The following ATF7IP variants were observed in gnomAD, a reference collection of about 807,000 sequenced individuals.
The protein encoded by ATF7IP is activating transcription factor 7 interacting protein, also known as activating transcription factor 7-interacting protein 1.
ATF7IP carries 23 observed loss-of-function variants against 106.4 expected under a neutral mutation model. The ratio of observed to expected loss-of-function variants is 0.22; its 90% CI spans 0.16 to 0.31. The LOEUF (loss-of-function observed/expected upper bound fraction) is 0.31. ATF7IP is among the 10% of genes least tolerant of loss of function. The probability of loss-of-function intolerance (pLI) is 1.00; values close to 1 mark genes in which losing one functional copy is unlikely to be tolerated. For synonymous variants in ATF7IP, 542 were observed against 539.0 expected, an observed-to-expected ratio of 1.01 and a Z score of -0.08; for missense variants, 1,334 against 1,524.3, an observed-to-expected ratio of 0.88 and a Z score of 2.08.
chr12:14,476,076 A>G, intron 11 of ATF7IP, 108 bp downstream of exon 11: 2 of 845,966 alleles, frequency 2.4e-6, no homozygotes, highest in East Asian at 2.8e-5. Context: ...TGCTTGGTTT[A>G]TTTGTGTTCT....
At chr12:14,403,656 A>G (rs1940388172) in intron 1 of ATF7IP, among the ~76,000 whole-genome samples, 1 of 152,236 alleles carries the variant, frequency 6.6e-6, no homozygotes, top group African/African-American at 2.4e-5. Flanking sequence ...AAATGCCAAA[A>G]TAAGGTGCTA....
intron 5 of ATF7IP, among the ~76,000 whole-genome samples, chr12:14,444,033 C>G (rs1432951557): frequency 6.6e-6 from 1 of 152,094 alleles, no homozygotes; most frequent in Non-Finnish European, 1.5e-5. Context: ...GTACTATGCT[C>G]TTAAATAGGA....
Position 14,460,617 on chromosome 12 carries a change from G to A in ATF7IP, c.2281G>A (p.Val761Ile), listed in dbSNP as rs749790061. The change falls in exon 9 of 15, where the codon GTA becomes ATA. Residue 761 changes from valine (V) to isoleucine (I), a missense_variant. Around this residue, in one of 10 missense-constraint regions of ATF7IP, gnomAD observed 171 missense variants for 172.6 expected, o/e 0.99. Transcript: ENST00000261168. ...TCTTCCTGCACCCAATACAGCTACT[G>A]TAGTTGCTACTACTCAGGTGCCTAG... is the stretch of plus-strand genomic sequence containing the variant. ...SVLPAPNTAT[V>I]VATTQVPSGN... 6.2e-7 allele frequency: 1 copy of A among 1,614,160 alleles called. No homozygotes were observed. Among genetic ancestry groups the A allele is most frequent in the South Asian group, 1.1e-5 (1 of 91,084 alleles).
intron 9 of ATF7IP, among the ~76,000 whole-genome samples, chr12:14,463,575 C>T (rs548236313): frequency 6.6e-6 from 1 of 151,942 alleles, no homozygotes; most frequent in African/African-American, 2.4e-5. Flanking sequence ...CAAAAGAGAA[C>T]ATGGGAAATC....
At chr12:14,492,816 G>A (rs796694330) in intron 13 of ATF7IP, among the ~76,000 whole-genome samples, 7 of 152,222 alleles carry the variant, frequency 4.6e-5, no homozygotes, top group African/African-American at 1.4e-4. Flanking sequence ...AAATTTTGTA[G>A]TTGAGTGACT....
At chr12:14,376,597 C>CG (rs1254633631) in intron 1 of ATF7IP, among the ~76,000 whole-genome samples, 1 of 152,180 alleles carries the variant, frequency 6.6e-6, no homozygotes, top group African/African-American at 2.4e-5. Context: ...TACCAGAAAC[C>CG]GCATCATCTG....
chr12:14,431,980 T>A (rs892016934), intron 2 of ATF7IP, among the ~76,000 whole-genome samples: 2 of 152,158 alleles, frequency 1.3e-5, no homozygotes, highest in Non-Finnish European at 2.9e-5. Context: ...GAATTCTGAG[T>A]GTTTTAAGTG....
chr12:14,450,154 T>C (rs764205064), intron 6 of ATF7IP, among the ~76,000 whole-genome samples: 4 of 134,632 alleles, frequency 3.0e-5, no homozygotes, highest in Non-Finnish European at 6.9e-5. Flanking sequence ...GGATGTCATT[T>C]ATTTCTTTTT....
At chr12:14,370,174 G>A (rs1301181361) in intron 1 of ATF7IP, among the ~76,000 whole-genome samples, 7 of 152,120 alleles carry the variant, frequency 4.6e-5, no homozygotes, top group East Asian at 1.9e-4. Context: ...TACCTCAGGT[G>A]ATCCGTCTGC....
chr12:14,464,402 G>A (rs539845415), intron 9 of ATF7IP, among the ~76,000 whole-genome samples: 11 of 152,332 alleles, frequency 7.2e-5, no homozygotes, highest in Admixed American at 1.3e-4. Flanking sequence ...ATAATTAAAT[G>A]AGCGAAGTGT....
At chr12:14,454,583 A>G (rs140864578) in intron 6 of ATF7IP, among the ~76,000 whole-genome samples, 1 of 152,032 alleles carries the variant, frequency 6.6e-6, no homozygotes, top group Non-Finnish European at 1.5e-5. Context: ...AATGCAATGT[A>G]TTTTCCTAAC....
chr12:14,370,240 A>G (rs952382385), intron 1 of ATF7IP, among the ~76,000 whole-genome samples: 3 of 152,098 alleles, frequency 2.0e-5, no homozygotes, highest in South Asian at 2.1e-4. Flanking sequence ...CTGGCCTCCT[A>G]TGTGCATTTT....
At position 14,501,135 on chromosome 12, in the gene ATF7IP, A is replaced by AT. The variant is rs1945149380; in HGVS notation, c.*3062_*3063insT. The AT allele has an allele frequency of 6.6e-6, 1 of 152,210 alleles. No homozygotes were observed. The allele number at this position is 152,210 out of a possible 1,614,324, so 9.4% of individuals were successfully genotyped here. On this transcript the variant is annotated 3_prime_UTR_variant, in exon 15 of 15. Coordinates refer to ENST00000261168, the MANE Select transcript of ATF7IP (RefSeq NM_018179.5). ...CTGGGAGAGAATGGAGGACTTAAGT[A>AT]GAAGTAGCTACTGATAACAGACTTT...
intron 13 of ATF7IP, among the ~76,000 whole-genome samples, chr12:14,484,959 G>C (rs188598467): frequency 6.6e-6 from 1 of 152,086 alleles, no homozygotes; most frequent in African/African-American, 2.4e-5. Flanking sequence ...CCAAAGCCCA[G>C]TTAACAGGCC....
chr12:14,379,243 T>G (rs1339917444), intron 1 of ATF7IP, among the ~76,000 whole-genome samples: 3 of 152,154 alleles, frequency 2.0e-5, no homozygotes, highest in African/African-American at 7.2e-5. Flanking sequence ...CACCTTTCTC[T>G]TGTTCTTGCC....
At position 14,496,226 on chromosome 12, in the gene ATF7IP, TGTAG is replaced by T. The variant is rs747311831; in HGVS notation, c.3281-2_3282del. 1 of 1,588,172 alleles carries T rather than the reference TGTAG, an allele frequency of 6.3e-7. No individual in the cohort carries two copies. The highest frequency in any genetic ancestry group is 1.3e-5 in the African/African-American group (1 of 74,454). Reference sequence around the variant, plus strand: ...TTATCCTGTAATTTTTTTGTTTGTTTGTAGGTGTTACAGTTCGAGTGCCTCAAAC... The same window carrying T: ...TTATCCTGTAATTTTTTTGTTTGTTTGTGTTACAGTTCGAGTGCCTCAAAC... On this transcript the variant is annotated splice_acceptor_variant and splice_polypyrimidine_tract_variant and intron_variant, in intron 13 of 14. Transcript: ENST00000261168. LOFTEE classifies it high-confidence loss of function.
At chr12:14,448,790 A>T (rs1310829425) in intron 6 of ATF7IP, among the ~76,000 whole-genome samples, 2 of 152,102 alleles carry the variant, frequency 1.3e-5, no homozygotes, top group South Asian at 2.1e-4. Flanking sequence ...AGAGTTCCAG[A>T]TTTCCCATAA....
At chr12:14,455,722 C>G (rs538490435) in intron 6 of ATF7IP, among the ~76,000 whole-genome samples, 2 of 152,070 alleles carry the variant, frequency 1.3e-5, no homozygotes, top group South Asian at 4.2e-4. Context: ...GAAGGTGGGA[C>G]CACAGGCGTG....
At chr12:14,447,234 C>G (rs1943007609) in intron 6 of ATF7IP, among the ~76,000 whole-genome samples, 181 bp downstream of exon 6, 1 of 148,742 alleles carries the variant, frequency 6.7e-6, no homozygotes, top group African/African-American at 2.5e-5. Flanking sequence ...TCCTCATTTA[C>G]TATTCTCATA....
Sources: gnomAD v4.1 joint callset for allele counts (sites outside exome capture counted in the v4.1 genomes callset) on GRCh38, gnomAD v4.1.1 for gene constraint, gnomAD v4.1.1 regional missense constraint, MANE v1.5 for transcripts, NCBI Gene and HGNC (gene_info 2026-07-23, HGNC 2026-07-21) for gene names.